The following ACOT11 variants were observed in gnomAD, a reference collection of about 807,000 sequenced individuals.
ACOT11 encodes the protein acyl-CoA thioesterase 11.
In ACOT11, 69 loss-of-function variants were observed where a neutral mutation model predicts 77.5. The observed-to-expected ratio is 0.89, with a 90% confidence interval of 0.73 to 1.09. The LOEUF is 1.09. ACOT11 is among the 50% of genes least tolerant of loss of function. The probability of loss-of-function intolerance (pLI) is 0.00; values close to 1 mark genes in which losing one functional copy is unlikely to be tolerated. For missense variants in ACOT11, 766 were observed against 813.7 expected (o/e 0.94, Z 0.71); for synonymous variants, 279 against 313.0 (o/e 0.89, Z 1.15).
At chr1:54,572,698 C>T (rs1285873569) in intron 1 of ACOT11, among the ~76,000 whole-genome samples, 1 of 152,160 alleles carries the variant, frequency 6.6e-6, no homozygotes, top group Non-Finnish European at 1.5e-5. Context: ...GCAAATAGCC[C>T]CAAGGGAGGA....
At chr1:54,623,991 G>C (rs1644256320) in intron 15 of ACOT11, among the ~76,000 whole-genome samples, 1 of 152,216 alleles carries the variant, frequency 6.6e-6, no homozygotes, top group Non-Finnish European at 1.5e-5. Context: ...ATGGTTAACA[G>C]ATTATCTACC....
At chr1:54,634,784 C>T (rs1226319452) in exon 17 of ACOT11, 15 of 697,666 alleles carry the variant, frequency 2.2e-5, no homozygotes, top group Non-Finnish European at 1.8e-5. Flanking sequence ...TCCAGAGGAC[C>T]CCCTGGTTGC....
intron 15 of ACOT11, among the ~76,000 whole-genome samples, chr1:54,618,151 A>G (rs1252875276): frequency 6.6e-6 from 1 of 151,740 alleles, no homozygotes; most frequent in East Asian, 1.9e-4. Flanking sequence ...GCCTGGCAAC[A>G]CTCTTCTCTC....
chr1:54,563,882 A>G (rs1392038280), intron 1 of ACOT11, among the ~76,000 whole-genome samples: 1 of 152,128 alleles, frequency 6.6e-6, no homozygotes. Flanking sequence ...CTTGGCCAAC[A>G]TGGTGAAACC....
chr1:54,638,161 T>G (rs933732602), exon 17 of ACOT11: 1 of 151,788 alleles, frequency 6.6e-6, no homozygotes, highest in African/African-American at 2.4e-5. Context: ...AAAAATAGAT[T>G]TGGGCTGGGC....
At chr1:54,603,583 A>G (rs933063772) in intron 10 of ACOT11, among the ~76,000 whole-genome samples, 1 of 152,166 alleles carries the variant, frequency 6.6e-6, no homozygotes, top group Non-Finnish European at 1.5e-5. Context: ...CAGCAGCACC[A>G]GGGTGAGGTC....
Position 54,610,320 on chromosome 1 carries a change from G to A in ACOT11, c.*1208G>A, listed in dbSNP as rs3820113. On this transcript the variant is annotated 3_prime_UTR_variant, in exon 16 of 16. Transcript: ENST00000343744. ...GGTATGGTGTAAATAAACCTGTGTT[G>A]CCATGGCAACAGAGACCGGCGGTAC... 0.046 allele frequency: 71,337 copies of A among 1,549,426 alleles called. 4,418 individuals are homozygous for A. The highest frequency in any genetic ancestry group is 0.24 in the East Asian group (10,790 of 44,360).
intron 13 of ACOT11, 145 bp downstream of exon 13, chr1:54,605,354 A>G (rs1644012816): frequency 8.3e-6 from 11 of 1,327,612 alleles, no homozygotes; most frequent in Non-Finnish European, 1.0e-5. Flanking sequence ...GTGGGGGTTC[A>G]GGGTCATGGG....
intron 3 of ACOT11, among the ~76,000 whole-genome samples, chr1:54,590,417 G>A (rs1359542360): frequency 6.6e-6 from 1 of 152,134 alleles, no homozygotes; most frequent in Non-Finnish European, 1.5e-5. Flanking sequence ...GTGGCCCTGG[G>A]GAAGGATCCG....
intron 4 of ACOT11, among the ~76,000 whole-genome samples, chr1:54,593,093 G>T (rs752199394): frequency 1.6e-4 from 25 of 152,136 alleles, no homozygotes; most frequent in Non-Finnish European, 2.4e-4. Flanking sequence ...GATGCCCAGG[G>T]TTCTGTGAGC....
intron 1 of ACOT11, among the ~76,000 whole-genome samples, chr1:54,583,003 C>T (rs1336521190): frequency 1.3e-5 from 2 of 152,162 alleles, no homozygotes; most frequent in African/African-American, 2.4e-5. Flanking sequence ...CCCACTCCCA[C>T]ACCCCGAAAG....
At chr1:54,602,618 G>C (rs1643977507) in intron 9 of ACOT11, 51 bp from the exon 10 acceptor site, 1 of 1,454,526 alleles carries the variant, frequency 6.9e-7, no homozygotes, top group South Asian at 1.4e-5. Context: ...TGGAGAGGGG[G>C]CAGGACGGAG....
rs1413868463 is a variant in ACOT11 at position 54,584,241 on chromosome 1, T to C, written c.34-414T>C. On this transcript the variant is annotated intron_variant, in intron 1 of 15. Coordinates refer to ENST00000343744, the MANE Select transcript of ACOT11 (RefSeq NM_147161.4). The surrounding 1 kb of genome is among the most constrained non-coding windows in gnomAD (Gnocchi z 6.3). ...TCTTGAAACACTGTATTAGGAACAG[T>C]TCCCTGGGCTTGACTGCTATGGAGC... Among the ~76,000 whole-genome samples, 3 of 151,926 alleles carry C rather than the reference T, an allele frequency of 2.0e-5. No homozygotes were observed. The East Asian group carries it at 5.8e-4, about 29-fold the overall frequency.
chr1:54,590,697 T>A (rs1654681025), intron 3 of ACOT11, among the ~76,000 whole-genome samples: 1 of 152,180 alleles, frequency 6.6e-6, no homozygotes, highest in South Asian at 2.1e-4. Flanking sequence ...TGAGACCCAA[T>A]AATTAACATT....
In ACOT11 at chr1:54,590,850, G is replaced by C. The variant is rs1270630508; in HGVS notation, c.312-1696G>C. Among the ~76,000 whole-genome samples the C allele has an allele frequency of 2.6e-5, 4 of 152,286 alleles. No individual in the cohort carries two copies. In the East Asian group the frequency reaches 7.7e-4, roughly 29 times the overall value. ...GCTCACGGCAACCTCCGCCTCCTGG[G>C]TTCAAGCGGTTCTTGTGACTCAGCC... On this transcript the variant is annotated intron_variant, in intron 3 of 15. Coordinates refer to ENST00000343744, the MANE Select transcript of ACOT11 (RefSeq NM_147161.4).
At chr1:54,560,883 G>A (rs537192370) in intron 1 of ACOT11, among the ~76,000 whole-genome samples, 2 of 152,080 alleles carry the variant, frequency 1.3e-5, no homozygotes, top group East Asian at 1.9e-4. Flanking sequence ...CACCATGCCC[G>A]GCTAATTGTT....
intron 16 of ACOT11, among the ~76,000 whole-genome samples, chr1:54,633,086 G>A (rs1191818525): frequency 1.3e-5 from 2 of 152,198 alleles, no homozygotes; most frequent in East Asian, 1.9e-4. Flanking sequence ...CACTTCAAGC[G>A]GAAAAACAAA....
At chr1:54,630,693 C>A in intron 15 of ACOT11, 1 of 615,050 alleles carries the variant, frequency 1.6e-6, no homozygotes, top group South Asian at 2.0e-5. Context: ...TTTCCCACTT[C>A]ACACCTCTAT....
intron 1 of ACOT11, among the ~76,000 whole-genome samples, chr1:54,549,506 G>A (rs1652990687): frequency 6.6e-6 from 1 of 152,106 alleles, no homozygotes; most frequent in African/African-American, 2.4e-5. Flanking sequence ...CCAAACTTGT[G>A]TCCCCAGCAA....
Sources: gnomAD v4.1 joint callset for allele counts (sites outside exome capture counted in the v4.1 genomes callset) on GRCh38, gnomAD v4.1.1 for gene constraint, Gnocchi (gnomAD v3.1) non-coding constraint, MANE v1.5 for transcripts, NCBI Gene and HGNC (gene_info 2026-07-23, HGNC 2026-07-21) for gene names.